Variants in NPAS3 observed in about 807,000 individuals in gnomAD.
The protein encoded by NPAS3 is neuronal PAS domain-containing protein 3.
A neutral mutation model predicts 73.1 loss-of-function variants in NPAS3; 14 were observed. The ratio of observed to expected loss-of-function variants is 0.19; its 90% CI spans 0.13 to 0.30. NPAS3 has a LOEUF of 0.30. Among genes scored for constraint, NPAS3 ranks in the 10% least tolerant of loss-of-function variants. NPAS3 has a pLI of 1.00. For synonymous variants in NPAS3, 620 were observed against 541.5 expected, an observed-to-expected ratio of 1.14 and a Z score of -2.01; for missense variants, 1,096 against 1,250.0, an observed-to-expected ratio of 0.88 and a Z score of 1.86.
intron 2 of NPAS3, among the ~76,000 whole-genome samples, chr14:33,090,736 A>G (rs990749867): frequency 7.9e-5 from 12 of 152,214 alleles, no homozygotes; most frequent in African/African-American, 2.9e-4. Flanking sequence ...AAAATTGACC[A>G]CATATTTGGA....
At position 32,973,788 on chromosome 14, in the gene NPAS3, C is replaced by T. The variant is rs139525208; in HGVS notation, c.50+34422C>T. Among the ~76,000 whole-genome samples, 874 of 152,190 alleles carry T rather than the reference C, an allele frequency of 5.7e-3. 11 individuals are homozygous for T. Among genetic ancestry groups the T allele is most frequent in the African/African-American group, 0.02 (817 of 41,532 alleles). On this transcript the variant is annotated intron_variant, in intron 1 of 11. Transcript: ENST00000356141. ...CTGAGCTCAAGTGATCTGCCTGCCA[C>T]GGCCTCCCAGAGTGCTGGGATTACA... is the stretch of plus-strand genomic sequence containing the variant.
At chr14:32,960,473 G>A (rs1405945861) in intron 1 of NPAS3, among the ~76,000 whole-genome samples, 1 of 152,110 alleles carries the variant, frequency 6.6e-6, no homozygotes, top group Non-Finnish European at 1.5e-5. Flanking sequence ...CTGAGAGAGC[G>A]TCTCTGACAA....
chr14:33,628,211 T>G (rs1389005732), intron 5 of NPAS3, among the ~76,000 whole-genome samples: 1 of 152,240 alleles, frequency 6.6e-6, no homozygotes, highest in East Asian at 1.9e-4. Context: ...AAAATCAATA[T>G]GATTTGCTAT....
At chr14:33,555,889 G>GTTGGT (rs1555411751) in intron 4 of NPAS3, among the ~76,000 whole-genome samples, 3 of 148,484 alleles carry the variant, frequency 2.0e-5, no homozygotes, top group East Asian at 2.0e-4. Flanking sequence ...AATTGTTGTT[G>GTTGGT]GTGTGTCTGT....
intron 5 of NPAS3, among the ~76,000 whole-genome samples, chr14:33,617,149 G>T (rs984322093): frequency 6.6e-6 from 1 of 152,134 alleles, no homozygotes; most frequent in African/African-American, 2.4e-5. Context: ...GAATAGCCTC[G>T]GGGAGTTAAA....
intron 5 of NPAS3, among the ~76,000 whole-genome samples, chr14:33,628,622 C>T (rs1411959292): frequency 1.3e-5 from 2 of 152,166 alleles, no homozygotes; most frequent in Non-Finnish European, 2.9e-5. Context: ...CACTGTTTCA[C>T]GTGTTTAAGC....
chr14:33,183,724 T>C (rs1393473534), intron 2 of NPAS3, among the ~76,000 whole-genome samples: 3 of 152,130 alleles, frequency 2.0e-5, no homozygotes, highest in Non-Finnish European at 4.4e-5. Flanking sequence ...CCATTGCTTA[T>C]GATCCTTTCA....
intron 2 of NPAS3, among the ~76,000 whole-genome samples, chr14:33,175,783 T>A (rs1337614046): frequency 1.3e-5 from 2 of 152,076 alleles, no homozygotes; most frequent in Non-Finnish European, 2.9e-5. Flanking sequence ...AAAAAATCAT[T>A]AGCAACAAAC....
intron 3 of NPAS3, among the ~76,000 whole-genome samples, chr14:33,271,432 T>G (rs1396174240): frequency 6.7e-6 from 1 of 150,148 alleles, no homozygotes; most frequent in African/African-American, 2.4e-5. Context: ...AGGATTCTGA[T>G]TCCTGTGGCT....
At chr14:33,751,558 A>G (rs1934845410) in intron 7 of NPAS3, among the ~76,000 whole-genome samples, 1 of 152,230 alleles carries the variant, frequency 6.6e-6, no homozygotes. Context: ...CACTTGGTCT[A>G]CACACCATTA....
intron 6 of NPAS3, among the ~76,000 whole-genome samples, chr14:33,706,534 G>A (rs1288693810): frequency 1.3e-5 from 2 of 152,194 alleles, no homozygotes; most frequent in East Asian, 3.9e-4. Context: ...CTGACAAAAT[G>A]GACACTGGGG....
intron 3 of NPAS3, among the ~76,000 whole-genome samples, chr14:33,340,879 G>T (rs568310026): frequency 1.3e-5 from 2 of 152,288 alleles, no homozygotes; most frequent in East Asian, 3.9e-4. Flanking sequence ...GTGATCTTAC[G>T]TAAAAATTAT....
intron 5 of NPAS3, among the ~76,000 whole-genome samples, chr14:33,660,331 C>T (rs1457144853): frequency 6.6e-6 from 1 of 152,166 alleles, no homozygotes; most frequent in African/African-American, 2.4e-5. Context: ...GCTTTTATTT[C>T]TCATAACTCA....
intron 7 of NPAS3, among the ~76,000 whole-genome samples, chr14:33,754,526 G>A (rs146162380): frequency 5.9e-5 from 9 of 152,224 alleles, no homozygotes; most frequent in African/African-American, 1.4e-4. Context: ...GCTCTATGGC[G>A]GTAGCATGGT....
chr14:33,712,740 T>C (rs1227511016), intron 6 of NPAS3, among the ~76,000 whole-genome samples: 4 of 152,170 alleles, frequency 2.6e-5, no homozygotes. Context: ...AATGTCTCTG[T>C]GGCTTAATTC....
Position 33,604,783 on chromosome 14 carries a change from GA to G in NPAS3, c.558+44576del, listed in dbSNP as rs200626826. 8.4e-3 allele frequency among the ~76,000 whole-genome samples: 1,270 copies of G among 152,094 alleles called. 8 individuals are homozygous for G. The highest frequency in any genetic ancestry group is 0.017 in the Admixed American group (260 of 15,284). Reference sequence around the variant, plus strand: ...CTCTGACTACAGAGGAGTTAAACTAGAAATCATAACAGAAAATCATTCTAGA... The same window carrying G: ...CTCTGACTACAGAGGAGTTAAACTAGAATCATAACAGAAAATCATTCTAGA... On this transcript the variant is annotated intron_variant, in intron 5 of 11. Coordinates refer to ENST00000356141, the Ensembl canonical transcript of NPAS3.
At chr14:33,748,822 T>C (rs1275754092) in intron 7 of NPAS3, among the ~76,000 whole-genome samples, 1 of 152,096 alleles carries the variant, frequency 6.6e-6, no homozygotes, top group Non-Finnish European at 1.5e-5. Context: ...ACATTCTGGG[T>C]AAAATGGAAT....
chr14:33,143,896 C>T (rs192601342), intron 2 of NPAS3, among the ~76,000 whole-genome samples: 1 of 152,194 alleles, frequency 6.6e-6, no homozygotes, highest in East Asian at 1.9e-4. Context: ...TGAATCAGTA[C>T]CTCATTCCTT....
intron 1 of NPAS3, among the ~76,000 whole-genome samples, chr14:33,025,648 T>C (rs1288702733): frequency 6.6e-6 from 1 of 152,078 alleles, no homozygotes; most frequent in Non-Finnish European, 1.5e-5. Context: ...ATCATGGGGG[T>C]AGATTTCCCC....
Sources: gnomAD v4.1 joint callset for allele counts (sites outside exome capture counted in the v4.1 genomes callset) on GRCh38, gnomAD v4.1.1 for gene constraint, MANE v1.5 for transcripts, NCBI Gene and HGNC (gene_info 2026-07-23, HGNC 2026-07-21) for gene names.